Variants in LSS observed in about 807,000 individuals in gnomAD.
LSS encodes the protein 2,3-epoxysqualene-lanosterol cyclase.
LSS carries 90 observed loss-of-function variants against 110.3 expected under a neutral mutation model. The observed-to-expected ratio is 0.82, with a 90% CI of 0.69 to 0.97. LSS has a LOEUF of 0.97. Ranked by LOEUF, LSS falls within the 50% of genes least tolerant of loss-of-function variation. LSS has a pLI of 0.00. For synonymous variants in LSS, 433 were observed against 400.0 expected, an observed-to-expected ratio of 1.08 and a Z score of -0.98; for missense variants, 927 against 990.0, an observed-to-expected ratio of 0.94 and a Z score of 0.85.
chr21:46,204,244 G>C (rs1466611685), intron 17 of LSS, among the ~76,000 whole-genome samples: 1 of 152,160 alleles, frequency 6.6e-6, no homozygotes, highest in East Asian at 1.9e-4. Flanking sequence ...GCAGTGAACT[G>C]AGATCACGCC....
In LSS at chr21:46,194,486, C is replaced by T. The variant is rs774631126; in HGVS notation, c.1988+5G>A. 6 of 1,613,264 alleles carry T rather than the reference C, an allele frequency of 3.7e-6. No individual in the cohort carries two copies. The South Asian group carries it at 4.4e-5, about 12-fold the overall frequency. The stretch of plus-strand genomic sequence containing the variant: ...AAGGCTCAGGGACGGTCCCGTCGTC[C>T]CCACCGAACGGCCATCAGCCCCATC... On this transcript the variant is annotated splice_donor_5th_base_variant and intron_variant, in intron 20 of 21. Coordinates refer to ENST00000397728, the MANE Select transcript of LSS (RefSeq NM_002340.6).
intron 3 of LSS, among the ~76,000 whole-genome samples, chr21:46,226,834 G>A (rs187961277): frequency 4.6e-5 from 7 of 152,140 alleles, no homozygotes; most frequent in Non-Finnish European, 7.4e-5. Context: ...AGGCAACAAA[G>A]GTATATAAGG....
rs1403541161 is a variant in LSS at position 46,216,536 on chromosome 21, G to A, written c.648-12C>T. On this transcript the variant is annotated splice_polypyrimidine_tract_variant and intron_variant, in intron 6 of 21. Coordinates refer to ENST00000397728, the MANE Select transcript of LSS (RefSeq NM_002340.6). The surrounding 1 kb of genome is among the most constrained non-coding windows in gnomAD (Gnocchi z 4.2). Reference sequence around the variant, plus strand: ...AGTCAGGAAACAGCCTGGGGCAACAGCAGGAGTCAGTGGGAGACCCCAAGA... The same window carrying A: ...AGTCAGGAAACAGCCTGGGGCAACAACAGGAGTCAGTGGGAGACCCCAAGA... 1 of 1,587,166 alleles carries A rather than the reference G, an allele frequency of 6.3e-7. No homozygotes were observed. The highest frequency in any genetic ancestry group is 8.6e-7 in the Non-Finnish European group (1 of 1,163,830).
At chr21:46,222,828 C>G in intron 3 of LSS, 90 bp from the exon 4 acceptor site, 1 of 907,104 alleles carries the variant, frequency 1.1e-6, no homozygotes, top group South Asian at 1.4e-5. Context: ...CTCACTCCAA[C>G]AGGGAGCTAC....
In LSS at chr21:46,228,619, A is replaced by G. The variant is rs772136669; in HGVS notation, c.15-20T>C. ...AGACACCTGAGGACCACCGGCCATC[A>G]GCGACCCAGGCCCCGCCCCAACGCC... On this transcript the variant is annotated intron_variant, in intron 1 of 21. Transcript: ENST00000397728. 3.8e-6 allele frequency: 6 copies of G among 1,591,846 alleles called. No homozygotes were observed. The East Asian group carries it at 6.8e-5, about 18-fold the overall frequency.
In LSS at chr21:46,226,135, C is replaced by CAA. The variant is rs60505491; in HGVS notation, c.319+1415_319+1416dup. Reference sequence around the variant, plus strand: ...TGGGGAACAAGAGCGAACGCTGTCTCAAAAAAAAAAAAAAAATACAAAAAA... The same window carrying CAA: ...TGGGGAACAAGAGCGAACGCTGTCTCAAAAAAAAAAAAAAAAAATACAAAAAA... On this transcript the variant is annotated intron_variant, in intron 3 of 21. Coordinates refer to ENST00000397728, the MANE Select transcript of LSS (RefSeq NM_002340.6). 4.7e-4 allele frequency among the ~76,000 whole-genome samples: 64 copies of CAA among 136,452 alleles called. No homozygotes were observed. The South Asian group carries it at 5.6e-3, about 12-fold the overall frequency. The allele number at this position is 136,452 out of a possible 152,430, so 89.5% of individuals were successfully genotyped here.
chr21:46,214,046 T>C (rs1053965545), intron 9 of LSS, among the ~76,000 whole-genome samples: 8 of 152,218 alleles, frequency 5.3e-5, no homozygotes. Flanking sequence ...ACAGAGGCAG[T>C]GTCGGCCAAG....
At chr21:46,228,699 C>T in intron 1 of LSS, 33 bp downstream of exon 1, 3 of 1,602,786 alleles carry the variant, frequency 1.9e-6, no homozygotes, top group East Asian at 2.2e-5. Flanking sequence ...GACCACCCCG[C>T]ATTCGTCAGG....
At chr21:46,197,804 G>C (rs1332007672) in intron 17 of LSS, among the ~76,000 whole-genome samples, 1 of 151,862 alleles carries the variant, frequency 6.6e-6, no homozygotes, top group Non-Finnish European at 1.5e-5. Flanking sequence ...CAGGAGAATG[G>C]CGTGAATCCG....
chr21:46,228,531 T>G lies in LSS; in HGVS notation c.83A>C (p.Asn28Thr). The change falls in exon 2 of 22, where the codon AAC becomes ACC. Residue 28 changes from asparagine (N) to threonine (T), a missense_variant. Asn to Thr is a moderately conservative substitution (Grantham distance 65). Transcript: ENST00000397728. ...PATDLGRWRL[N>T]CERGRQTWTY... ...CCACGTCTGCCGGCCCCTCTCGCAG[T>G]TGAGTCGCCAGCGGCCGAGGTCGGT... The G allele has an allele frequency of 5.0e-6, 8 of 1,600,052 alleles. No individual in the cohort carries two copies. The highest frequency in any genetic ancestry group is 1.3e-5 in the African/African-American group (1 of 74,956).
rs540483256 is a variant in LSS, at chr21:46,188,651, C to G, written c.*2453G>C. 2.1e-6 allele frequency: 1 copy of G among 470,576 alleles called. No homozygotes were observed. The highest frequency in any genetic ancestry group is 1.6e-5 in the South Asian group (1 of 64,512). 29.2% of individuals were successfully genotyped at this position (470,576 alleles called of 1,614,324 possible). A position where few individuals can be genotyped will look rare whatever the true frequency, so the allele number is the denominator to read the frequency against. On this transcript the variant is annotated 3_prime_UTR_variant, in exon 22 of 22. Transcript: ENST00000397728. ...CTCTGCATTGTGATCCAATTGTGAA[C>G]AAAAAGTCCTCTTCGTGGAACAGGA... is the stretch of plus-strand genomic sequence containing the variant.
chr21:46,207,397 A>G, intron 15 of LSS, 31 bp downstream of exon 15: 3 of 1,608,380 alleles, frequency 1.9e-6, no homozygotes, highest in Non-Finnish European at 2.5e-6. Context: ...GACACGAGGT[A>G]TGGACGGGGC....
intron 6 of LSS, among the ~76,000 whole-genome samples, chr21:46,217,144 G>A (rs2080217031): frequency 6.6e-6 from 1 of 151,640 alleles, no homozygotes; most frequent in Admixed American, 6.6e-5. Flanking sequence ...CTACTCGGGA[G>A]GCTGAGGCAG....
At chr21:46,205,758 C>G in intron 17 of LSS, 78 bp downstream of exon 17, 1 of 1,122,176 alleles carries the variant, frequency 8.9e-7, no homozygotes, top group Non-Finnish European at 1.3e-6. Context: ...CCACCAGGGC[C>G]GTGTCACAGA....
intron 6 of LSS, among the ~76,000 whole-genome samples, chr21:46,217,265 AAAAG>A (rs1260852632): frequency 6.9e-6 from 1 of 144,808 alleles, no homozygotes; most frequent in African/African-American, 2.4e-5. Context: ...AAAGAAAAGA[AAAAG>A]AAAGAAAAAA....
chr21:46,208,165 G>T, intron 14 of LSS, 86 bp downstream of exon 14: 1 of 1,274,530 alleles, frequency 7.8e-7, no homozygotes, highest in Non-Finnish European at 1.1e-6. Context: ...CCAGGGAGGA[G>T]CCCCCCCTTC....
At chr21:46,208,955 T>C (rs1253940055) in intron 13 of LSS, among the ~76,000 whole-genome samples, 1 of 152,040 alleles carries the variant, frequency 6.6e-6, no homozygotes, top group African/African-American at 2.4e-5. Context: ...GGGGCAGCGG[T>C]TCCAGGCAGA....
At chr21:46,194,686 A>G in intron 19 of LSS, 25 bp from the exon 20 acceptor site, 1 of 1,603,104 alleles carries the variant, frequency 6.2e-7, no homozygotes, top group Non-Finnish European at 8.5e-7. Flanking sequence ...GACAGGAGAC[A>G]CCATCACACC....
At chr21:46,218,972 G>A (rs1044129559) in intron 6 of LSS, among the ~76,000 whole-genome samples, 7 of 152,204 alleles carry the variant, frequency 4.6e-5, no homozygotes, top group South Asian at 2.1e-4. Context: ...TGATCTGCCC[G>A]CCTCGGCCTC....
Sources: allele counts gnomAD v4.1 joint callset (sites outside exome capture counted in the v4.1 genomes callset), GRCh38; gene constraint gnomAD v4.1.1; non-coding constraint Gnocchi (gnomAD v3.1); transcripts MANE v1.5; gene names NCBI Gene and HGNC (gene_info 2026-07-23, HGNC 2026-07-21).